The following CREB5 variants were observed in gnomAD, a reference collection of about 807,000 sequenced individuals.
The protein encoded by CREB5 is cAMP responsive element binding protein 5.
CREB5 carries 19 observed loss-of-function variants against 57.1 expected under a neutral mutation model. That is an observed-to-expected ratio of 0.33 (90% CI 0.23 to 0.49). The LOEUF is 0.49. CREB5 is among the 20% of genes least tolerant of loss of function. The pLI is 0.99. For synonymous variants in CREB5, 238 were observed against 238.3 expected, an observed-to-expected ratio of 1.00 and a Z score of 0.01; for missense variants, 579 against 671.6, an observed-to-expected ratio of 0.86 and a Z score of 1.52.
chr7:28,696,140 G>A (rs148504701), intron 5 of CREB5, among the ~76,000 whole-genome samples: 141 of 152,306 alleles, frequency 9.3e-4, no homozygotes, highest in African/African-American at 3.2e-3. Context: ...CCCAGGTGCC[G>A]TACCATTCGG....
chr7:28,479,069 C>T (rs1013181280), intron 1 of CREB5, among the ~76,000 whole-genome samples: 2 of 152,104 alleles, frequency 1.3e-5, no homozygotes, highest in African/African-American at 2.4e-5. Context: ...CGCACTTAGT[C>T]CCTTCCTTTC....
intron 4 of CREB5, among the ~76,000 whole-genome samples, chr7:28,565,253 T>C (rs901666203): frequency 6.6e-6 from 1 of 152,216 alleles, no homozygotes; most frequent in Non-Finnish European, 1.5e-5. Context: ...AGGAATCCTT[T>C]TGGTGACGTA....
chr7:28,622,255 TCTCTCACACACA>T (rs1292548307), intron 5 of CREB5, among the ~76,000 whole-genome samples: 26 of 140,856 alleles, frequency 1.8e-4, no homozygotes, highest in African/African-American at 7.1e-4. Context: ...TCTCTCTCTC[TCTCTCACACACA>T]CACACACACA....
intron 7 of CREB5, among the ~76,000 whole-genome samples, chr7:28,778,704 G>A (rs1446914773): frequency 6.6e-6 from 1 of 152,076 alleles, no homozygotes; most frequent in South Asian, 2.1e-4. Flanking sequence ...GGCATAGAGG[G>A]CAAAGATCAC....
Position 28,758,281 on chromosome 7 carries a change from T to C in CREB5, c.702+33949T>C, listed in dbSNP as rs535386369. ...TCAGGATGTTCACATAAGAAGAAAA[T>C]GGCTGTTCTGTAGCCTGCAGAAATT... On this transcript the variant is annotated intron_variant, in intron 7 of 10. Coordinates refer to ENST00000357727, the MANE Select transcript of CREB5 (RefSeq NM_182898.4). Among the ~76,000 whole-genome samples the C allele has an allele frequency of 2.1e-4, 32 of 152,280 alleles. No individual in the cohort carries two copies. In the East Asian group the frequency reaches 3.9e-3, roughly 18 times the overall value.
chr7:28,338,084 A>G (rs2127988227), intron 1 of CREB5, among the ~76,000 whole-genome samples: 1 of 152,232 alleles, frequency 6.6e-6, no homozygotes, highest in South Asian at 2.1e-4. Flanking sequence ...TGTCTTCAAA[A>G]GCTGTAGTAG....
chr7:28,618,467 C>G (rs955321328), intron 5 of CREB5, among the ~76,000 whole-genome samples: 1 of 152,112 alleles, frequency 6.6e-6, no homozygotes, highest in Non-Finnish European at 1.5e-5. Flanking sequence ...TCAGATGCTG[C>G]TCTGATTTCA....
intron 4 of CREB5, among the ~76,000 whole-genome samples, chr7:28,515,367 C>G (rs1403733033): frequency 6.6e-6 from 1 of 152,200 alleles, no homozygotes; most frequent in African/African-American, 2.4e-5. Flanking sequence ...TTTACACCTT[C>G]TCTTCAGAAA....
intron 3 of CREB5, among the ~76,000 whole-genome samples, chr7:28,503,050 T>C (rs1339896767): frequency 6.6e-6 from 1 of 152,256 alleles, no homozygotes; most frequent in African/African-American, 2.4e-5. Flanking sequence ...CTCTTGATGC[T>C]AGGCAGACTA....
intron 1 of CREB5, among the ~76,000 whole-genome samples, chr7:28,450,186 T>G (rs983634968): frequency 2.6e-5 from 4 of 152,246 alleles, no homozygotes; most frequent in African/African-American, 9.6e-5. Flanking sequence ...AGCTGCTGTT[T>G]GATTGATGAA....
At chr7:28,445,615 G>C (rs185852856) in intron 1 of CREB5, among the ~76,000 whole-genome samples, 1 of 151,554 alleles carries the variant, frequency 6.6e-6, no homozygotes, top group Non-Finnish European at 1.5e-5. Context: ...GCAGTGGCGC[G>C]ATCTCGGCTC....
intron 1 of CREB5, among the ~76,000 whole-genome samples, chr7:28,455,931 A>G (rs950766599): frequency 2.0e-5 from 3 of 152,206 alleles, no homozygotes; most frequent in African/African-American, 7.2e-5. Context: ...TGGACAATGG[A>G]CAGATAACTT....
At chr7:28,327,168 A>AG (rs1785624910) in intron 1 of CREB5, among the ~76,000 whole-genome samples, 1 of 150,410 alleles carries the variant, frequency 6.6e-6, no homozygotes, top group Admixed American at 6.6e-5. Context: ...AAAAAAAAAA[A>AG]GGAAACCGTA....
At chr7:28,383,721 C>G (rs1244273349) in intron 1 of CREB5, among the ~76,000 whole-genome samples, 2 of 152,132 alleles carry the variant, frequency 1.3e-5, no homozygotes, top group Non-Finnish European at 2.9e-5. Context: ...CCAATCGCCT[C>G]CCACCAGGCC....
chr7:28,633,558 C>A (rs1357946697), intron 5 of CREB5, among the ~76,000 whole-genome samples: 3 of 152,144 alleles, frequency 2.0e-5, no homozygotes, highest in Non-Finnish European at 4.4e-5. Context: ...CTACAAATTC[C>A]ATTTCTAACC....
chr7:28,710,798 C>A (rs1387576697), intron 5 of CREB5, among the ~76,000 whole-genome samples: 2 of 152,096 alleles, frequency 1.3e-5, no homozygotes, highest in Non-Finnish European at 2.9e-5. Context: ...AAAATGAGAG[C>A]GTGCACCAAG....
intron 4 of CREB5, among the ~76,000 whole-genome samples, chr7:28,536,231 A>G (rs1793962234): frequency 6.6e-6 from 1 of 152,212 alleles, no homozygotes; most frequent in Non-Finnish European, 1.5e-5. Flanking sequence ...TTTCAAAGTC[A>G]TAGAATAGTC....
At chr7:28,473,443 C>A (rs1012939995) in intron 1 of CREB5, among the ~76,000 whole-genome samples, 1 of 152,134 alleles carries the variant, frequency 6.6e-6, no homozygotes, top group Non-Finnish European at 1.5e-5. Flanking sequence ...TTTTTGATTT[C>A]TGTGCTTGTG....
chr7:28,427,306 CAT>C (rs1397764723), intron 1 of CREB5, among the ~76,000 whole-genome samples: 1 of 152,176 alleles, frequency 6.6e-6, no homozygotes, highest in African/African-American at 2.4e-5. Flanking sequence ...CATGTCGCTA[CAT>C]AGTTTTCAAA....
Sources: allele counts gnomAD v4.1 joint callset (sites outside exome capture counted in the v4.1 genomes callset), GRCh38; gene constraint gnomAD v4.1.1; transcripts MANE v1.5; gene names NCBI Gene and HGNC (gene_info 2026-07-23, HGNC 2026-07-21).